PUS7L: variants seen among roughly 807,000 people sequenced by gnomAD.
PUS7L encodes pseudouridylate synthase PUS7L.
In PUS7L, 49 loss-of-function variants were observed where a neutral mutation model predicts 51.1. That is an observed-to-expected ratio of 0.96 (90% confidence interval 0.76 to 1.22). PUS7L has a LOEUF of 1.22. PUS7L is among the 50% of genes most tolerant of loss of function. PUS7L has a pLI of 0.00. For missense variants in PUS7L, 828 were observed against 820.6 expected (o/e 1.01, Z -0.11); for synonymous variants, 277 against 276.2 (o/e 1.00, Z -0.03).
Position 43,748,437 on chromosome 12 carries a change from AAT to A in PUS7L, c.1070+11_1070+12del. The A allele has an allele frequency of 6.4e-7, 1 of 1,561,344 alleles. No individual in the cohort carries two copies. Among genetic ancestry groups the A allele is most frequent in the Non-Finnish European group, 8.6e-7 (1 of 1,159,776 alleles). On this transcript the variant is annotated intron_variant, in intron 3 of 8. Transcript: ENST00000344862. ...CAAAGTTTCTATCCTAAAATTTCTT[AAT>A]ATCTTATTACCTCTCTGGAGTCACT...
intron 1 of PUS7L, among the ~76,000 whole-genome samples, chr12:43,757,878 A>C (rs560965604): frequency 6.6e-6 from 1 of 152,306 alleles, no homozygotes; most frequent in East Asian, 1.9e-4. Context: ...AGCAGTGGGG[A>C]TGGGAATGCA....
intron 1 of PUS7L, among the ~76,000 whole-genome samples, chr12:43,758,086 C>T (rs908428009): frequency 1.3e-5 from 2 of 152,098 alleles, no homozygotes; most frequent in African/African-American, 2.4e-5. Context: ...AAGATGTATC[C>T]GATGGAGTAA....
intron 7 of PUS7L, among the ~76,000 whole-genome samples, chr12:43,734,655 T>C (rs941910103): frequency 6.6e-6 from 1 of 152,196 alleles, no homozygotes; most frequent in Non-Finnish European, 1.5e-5. Context: ...TACTTCTCTA[T>C]ACTCCATGAT....
At position 43,726,262 on chromosome 12, in the gene PUS7L, T is replaced by A. The variant is rs1325827523; in HGVS notation, c.*4114A>T. 1 of 152,178 alleles carries A rather than the reference T, an allele frequency of 6.6e-6. No individual in the cohort carries two copies. The highest frequency in any genetic ancestry group is 1.9e-4 in the East Asian group (1 of 5,196). The allele number at this position is 152,178 out of a possible 1,614,324, so 9.4% of individuals were successfully genotyped here. A position where few individuals can be genotyped will look rare whatever the true frequency, so the allele number is the denominator to read the frequency against. On this transcript the variant is annotated 3_prime_UTR_variant, in exon 9 of 9. Transcript: ENST00000344862. ...GCCACACACCTACAGCTACTTGATTTTTGTTAAAGTCAACAATAACAAGCA... is the reference window on the plus strand; with the variant it reads ...GCCACACACCTACAGCTACTTGATTATTGTTAAAGTCAACAATAACAAGCA...
At chr12:43,754,303 T>C (rs765913484) in intron 2 of PUS7L, 33 bp downstream of exon 2, 1 of 1,398,066 alleles carries the variant, frequency 7.2e-7, no homozygotes, top group Non-Finnish European at 9.8e-7. Flanking sequence ...GCTAAGCTTA[T>C]CCAAGAAAAT....
At chr12:43,745,780 T>C (rs1805950345) in intron 4 of PUS7L, among the ~76,000 whole-genome samples, 1 of 138,960 alleles carries the variant, frequency 7.2e-6, no homozygotes, top group African/African-American at 2.7e-5. Flanking sequence ...TGAATGTAGA[T>C]TGTCCCCTCT....
chr12:43,746,139 AT>A lies in PUS7L; in HGVS notation c.1169del (p.Asn390IlefsTer10), dbSNP rs1302705934. On this transcript the variant is annotated frameshift_variant, in exon 4 of 9. Coordinates refer to ENST00000344862, the MANE Select transcript of PUS7L (RefSeq NM_031292.5). LOFTEE classifies it high-confidence loss of function. ...AATTTCTAATGACAATATCAAAGTG[AT>A]TTCCTTTGAGCTGACCAAGTCTCAG... ...DSLRLGQLKG[N>X]HFDIVIRNLK... 6.6e-7 allele frequency: 1 copy of A among 1,518,146 alleles called. No individual in the cohort carries two copies. The highest frequency in any genetic ancestry group is 9.1e-7 in the Non-Finnish European group (1 of 1,096,598). 94.0% of individuals were successfully genotyped at this position (1,518,146 alleles called of 1,614,324 possible).
At chr12:43,748,746 A>C (rs548946990) in intron 2 of PUS7L, 137 bp from the exon 3 acceptor site, 67 of 743,896 alleles carry the variant, frequency 9.0e-5, no homozygotes, top group Non-Finnish European at 1.3e-4. Flanking sequence ...TTGTTTTGTG[A>C]TGGAGTGTCA....
chr12:43,758,706 C>T lies in PUS7L; in HGVS notation c.-17+24G>A, dbSNP rs1300341276. ...ACACACACATACAAGCCCACCATCG[C>T]GCAAGAAACTCGACCCCGTCTACCT... is the stretch of plus-strand genomic sequence containing the variant. On this transcript the variant is annotated intron_variant, in intron 1 of 8. Transcript: ENST00000344862. 3 of 960,338 alleles carry T rather than the reference C, an allele frequency of 3.1e-6. No homozygotes were observed. In the East Asian group the frequency reaches 3.7e-4, roughly 118 times the overall value. 59.5% of individuals were successfully genotyped at this position (960,338 alleles called of 1,614,324 possible). A position where few individuals can be genotyped will look rare whatever the true frequency, so the allele number is the denominator to read the frequency against.
chr12:43,744,799 G>T (rs564882963), intron 4 of PUS7L, among the ~76,000 whole-genome samples: 1 of 151,996 alleles, frequency 6.6e-6, no homozygotes, highest in Non-Finnish European at 1.5e-5. Context: ...AGTGTTTCTC[G>T]GTATTGGCTC....
chr12:43,738,297 G>A lies in PUS7L; in HGVS notation c.1444+13C>T. ...TCTGCATGGTTATGTACAGGATAAA[G>A]AAACGTAAATACCAGTTTGAAGAAA... On this transcript the variant is annotated intron_variant, in intron 6 of 8. Transcript: ENST00000344862. The A allele has an allele frequency of 7.3e-7, 1 of 1,377,870 alleles. No individual in the cohort carries two copies. Among genetic ancestry groups the A allele is most frequent in the Non-Finnish European group, 1.0e-6 (1 of 965,254 alleles). 85.4% of individuals were successfully genotyped at this position (1,377,870 alleles called of 1,614,324 possible). A position where few individuals can be genotyped will look rare whatever the true frequency, so the allele number is the denominator to read the frequency against.
At chr12:43,738,040 TCA>T (rs1937694982) in intron 6 of PUS7L, 1 of 301,856 alleles carries the variant, frequency 3.3e-6, no homozygotes, top group Non-Finnish European at 6.1e-6. Flanking sequence ...GAACTCTCTC[TCA>T]GAGGATTTCA....
intron 6 of PUS7L, among the ~76,000 whole-genome samples, chr12:43,737,120 T>C (rs1248868119): frequency 6.6e-6 from 1 of 152,240 alleles, no homozygotes; most frequent in Non-Finnish European, 1.5e-5. Context: ...TCAGGCACAC[T>C]ATTATGCCTC....
At position 43,721,163 on chromosome 12, in the gene PUS7L, A is replaced by C. The variant is rs1419708999; in HGVS notation, c.*9213T>G. ...GCTAGGCAAAGTGGAAAACTGAAGCACTTTCCATTAGAAATCAGTAGAGCA... is the reference window on the plus strand; with the variant it reads ...GCTAGGCAAAGTGGAAAACTGAAGCCCTTTCCATTAGAAATCAGTAGAGCA... On this transcript the variant is annotated 3_prime_UTR_variant, in exon 9 of 9. Coordinates refer to ENST00000344862, the MANE Select transcript of PUS7L (RefSeq NM_031292.5). 2 of 152,164 alleles carry C rather than the reference A, an allele frequency of 1.3e-5. No homozygotes were observed. The highest frequency in any genetic ancestry group is 2.9e-5 in the Non-Finnish European group (2 of 68,016). The allele number at this position is 152,164 out of a possible 1,614,324, so 9.4% of individuals were successfully genotyped here. A position where few individuals can be genotyped will look rare whatever the true frequency, so the allele number is the denominator to read the frequency against.
At chr12:43,752,120 T>C (rs985503936) in intron 2 of PUS7L, among the ~76,000 whole-genome samples, 9 of 152,338 alleles carry the variant, frequency 5.9e-5, no homozygotes, top group African/African-American at 2.2e-4. Context: ...ATGAGTAGAT[T>C]GCAAAAATTT....
intron 4 of PUS7L, among the ~76,000 whole-genome samples, chr12:43,745,259 T>G (rs538607050): frequency 6.6e-6 from 1 of 152,312 alleles, no homozygotes; most frequent in Non-Finnish European, 1.5e-5. Flanking sequence ...ATTTAGAAAC[T>G]TATGCTAAGT....
Position 43,728,887 on chromosome 12 carries a change from A to AT in PUS7L, c.*1488dup. Reference sequence around the variant, plus strand: ...TTTACAGATGTTGAAACTGAAGCCCATGAGTTTAAATAACTTTCCCAAGGC... The same window carrying AT: ...TTTACAGATGTTGAAACTGAAGCCCATTGAGTTTAAATAACTTTCCCAAGGC... On this transcript the variant is annotated 3_prime_UTR_variant, in exon 9 of 9. Transcript: ENST00000344862. 4.8e-6 allele frequency: 1 copy of AT among 210,358 alleles called. No individual in the cohort carries two copies. The highest frequency in any genetic ancestry group is 9.5e-5 in the East Asian group (1 of 10,540). 13.0% of individuals were successfully genotyped at this position (210,358 alleles called of 1,614,324 possible). A position where few individuals can be genotyped will look rare whatever the true frequency, so the allele number is the denominator to read the frequency against.
At position 43,723,085 on chromosome 12, in the gene PUS7L, T is replaced by C. The variant is rs903310052; in HGVS notation, c.*7291A>G. On this transcript the variant is annotated 3_prime_UTR_variant, in exon 9 of 9. Transcript: ENST00000344862. ...AAAAGACAATTTAATATATCTTATA[T>C]TTTGTAATATGTTCTAAAGACTAAA... 1 of 152,120 alleles carries C rather than the reference T, an allele frequency of 6.6e-6. No individual in the cohort carries two copies. Among genetic ancestry groups the C allele is most frequent in the Non-Finnish European group, 1.5e-5 (1 of 67,964 alleles). The allele number at this position is 152,120 out of a possible 1,614,324, so 9.4% of individuals were successfully genotyped here. A position where few individuals can be genotyped will look rare whatever the true frequency, so the allele number is the denominator to read the frequency against.
Position 43,748,599 on chromosome 12 carries a change from T to C in PUS7L, c.921A>G (p.Leu307=). The C allele has an allele frequency of 1.3e-6, 2 of 1,583,946 alleles. No individual in the cohort carries two copies. The highest frequency in any genetic ancestry group is 1.7e-6 in the Non-Finnish European group (2 of 1,172,282). Residue 307 remains leucine (L), a synonymous_variant, in exon 3 of 9, where the codon CTA becomes CTG. Coordinates refer to ENST00000344862, the MANE Select transcript of PUS7L (RefSeq NM_031292.5). ...CAAACATTTCCAGGTTTTCCTTTCG[T>C]AGGGTAAAAGCTGAAACAAAAAAAA... is the stretch of plus-strand genomic sequence containing the variant. ...EGKVIYTAFT[L]RKENLEMFEA...
Sources: allele counts gnomAD v4.1 joint callset (sites outside exome capture counted in the v4.1 genomes callset), GRCh38; gene constraint gnomAD v4.1.1; transcripts MANE v1.5; gene names NCBI Gene and HGNC (gene_info 2026-07-23, HGNC 2026-07-21).